RAD51B: variants seen among roughly 807,000 people sequenced by gnomAD.
RAD51B encodes DNA repair protein RAD51 homolog 2.
A neutral mutation model predicts 42.2 loss-of-function variants in RAD51B; 38 were observed. The ratio of observed to expected loss-of-function variants is 0.90; its 90% CI spans 0.70 to 1.18. The LOEUF is 1.18. RAD51B is among the 50% of genes most tolerant of loss of function. RAD51B has a pLI of 0.00. For missense variants in RAD51B, 373 were observed against 400.7 expected (o/e 0.93, Z 0.59); for synonymous variants, 154 against 145.2 (o/e 1.06, Z -0.43).
chr14:68,468,347 C>T, intron 10 of RAD51B, 97 bp downstream of exon 10: 1 of 1,312,524 alleles, frequency 7.6e-7, no homozygotes. Context: ...AAGCTAGCTC[C>T]AGACAGAATC....
downstream of RAD51B, among the ~76,000 whole-genome samples, chr14:68,479,688 T>G (rs8022215): frequency 0.048 from 6,572 of 136,896 alleles, 464 homozygotes; most frequent in African/African-American, 0.16. Flanking sequence ...TTTTTTTTTT[T>G]GCCAGAGTCT....
intron 7 of RAD51B, among the ~76,000 whole-genome samples, chr14:68,050,599 C>T (rs1196282500): frequency 3.9e-5 from 6 of 152,162 alleles, no homozygotes; most frequent in Admixed American, 1.3e-4. Context: ...TCTATTCACA[C>T]GCATGTGTGT....
intron 7 of RAD51B, among the ~76,000 whole-genome samples, chr14:68,216,828 G>A (rs2079825252): frequency 6.6e-6 from 1 of 152,174 alleles, no homozygotes; most frequent in African/African-American, 2.4e-5. Flanking sequence ...CATCAACAGG[G>A]GTCAAGAGGA....
chr14:67,847,518 C>T (rs772674654), intron 4 of RAD51B, among the ~76,000 whole-genome samples: 10 of 151,758 alleles, frequency 6.6e-5, no homozygotes, highest in South Asian at 6.2e-4. Context: ...TTTTGACTTC[C>T]GCCTTAATTT....
chr14:67,842,647 G>T (rs1239739368), intron 4 of RAD51B, among the ~76,000 whole-genome samples: 1 of 152,230 alleles, frequency 6.6e-6, no homozygotes, highest in Non-Finnish European at 1.5e-5. Flanking sequence ...TGGGATTACA[G>T]GCATGTGCCA....
intron 4 of RAD51B, among the ~76,000 whole-genome samples, chr14:67,844,138 T>G (rs971631771): frequency 6.6e-6 from 1 of 152,188 alleles, no homozygotes; most frequent in African/African-American, 2.4e-5. Context: ...GGTTGTTTAT[T>G]TCCATGTAAT....
At chr14:68,039,758 T>C (rs1054583187) in intron 7 of RAD51B, among the ~76,000 whole-genome samples, 1 of 152,260 alleles carries the variant, frequency 6.6e-6, no homozygotes, top group South Asian at 2.1e-4. Context: ...ACTCATAATA[T>C]GCTGTTTCCT....
intron 7 of RAD51B, among the ~76,000 whole-genome samples, chr14:67,892,887 G>A (rs914671499): frequency 1.3e-5 from 2 of 152,182 alleles, no homozygotes; most frequent in African/African-American, 4.8e-5. Context: ...ACATGCATGC[G>A]ACTCCACTGG....
At chr14:68,313,379 G>A (rs986560044) in intron 8 of RAD51B, among the ~76,000 whole-genome samples, 4 of 152,156 alleles carry the variant, frequency 2.6e-5, no homozygotes, top group Non-Finnish European at 4.4e-5. Flanking sequence ...CTTGATTAGC[G>A]GCTCCTTTTG....
At chr14:68,532,939 G>A (rs187452700) in intron 10 of RAD51B, among the ~76,000 whole-genome samples, 22 of 152,172 alleles carry the variant, frequency 1.4e-4, no homozygotes, top group Non-Finnish European at 2.1e-4. Flanking sequence ...TCCTTAACTT[G>A]ATAAAGAACA....
intron 7 of RAD51B, among the ~76,000 whole-genome samples, chr14:68,255,479 A>T (rs1441322919): frequency 6.6e-6 from 1 of 152,206 alleles, no homozygotes; most frequent in African/African-American, 2.4e-5. Context: ...CTTTTATAAG[A>T]CAATCATTCA....
At chr14:68,502,333 C>A (rs762544708) in intron 10 of RAD51B, among the ~76,000 whole-genome samples, 11 of 152,262 alleles carry the variant, frequency 7.2e-5, no homozygotes, top group East Asian at 1.9e-4. Flanking sequence ...TCAGCCCCTA[C>A]GAAAACTGAT....
At chr14:68,218,719 T>C (rs972731597) in intron 7 of RAD51B, among the ~76,000 whole-genome samples, 1 of 152,192 alleles carries the variant, frequency 6.6e-6, no homozygotes, top group Non-Finnish European at 1.5e-5. Context: ...TATACTTCTC[T>C]GTTGAAAAAA....
intron 7 of RAD51B, among the ~76,000 whole-genome samples, chr14:67,911,798 TTAC>T (rs2043989472): frequency 1.3e-5 from 2 of 152,294 alleles, no homozygotes; most frequent in South Asian, 4.1e-4. Context: ...TCCCTTAGAA[TTAC>T]TCCTTCCCAT....
rs1445296620 is a variant in RAD51B, at chr14:68,557,289, C to T, written c.1037-37196C>T. Among the ~76,000 whole-genome samples, 7 of 152,134 alleles carry T rather than the reference C, an allele frequency of 4.6e-5. No homozygotes were observed. The East Asian group carries it at 1.3e-3, about 29-fold the overall frequency. Reference sequence around the variant, plus strand: ...AACTTACCAAACCTCTGTAGCTTAGCCTCGCCTACCGTACACATGCTCAGA... The same window carrying T: ...AACTTACCAAACCTCTGTAGCTTAGTCTCGCCTACCGTACACATGCTCAGA... On this transcript the variant is annotated intron_variant, in intron 10 of 10. Coordinates refer to the RAD51B transcript ENST00000487270.
At chr14:68,008,025 A>G (rs1228408028) in intron 7 of RAD51B, among the ~76,000 whole-genome samples, 2 of 151,916 alleles carry the variant, frequency 1.3e-5, no homozygotes, top group African/African-American at 4.8e-5. Context: ...TGAAACTCTC[A>G]GGTAACATAG....
chr14:68,085,782 G>A (rs947958096), intron 7 of RAD51B, among the ~76,000 whole-genome samples: 6 of 152,154 alleles, frequency 3.9e-5, no homozygotes, highest in African/African-American at 9.7e-5. Context: ...AGGTGGTATT[G>A]AAATGGGAAA....
chr14:68,001,678 T>C (rs2075485603), intron 7 of RAD51B, among the ~76,000 whole-genome samples: 1 of 152,146 alleles, frequency 6.6e-6, no homozygotes, highest in Admixed American at 6.5e-5. Context: ...TAGCTATTCT[T>C]CCTGATGCTC....
At chr14:68,313,675 A>G (rs2082004355) in intron 8 of RAD51B, among the ~76,000 whole-genome samples, 1 of 152,178 alleles carries the variant, frequency 6.6e-6, no homozygotes, top group Non-Finnish European at 1.5e-5. Context: ...ACTCAGGACC[A>G]CATGTCATCC....
Sources: allele counts gnomAD v4.1 joint callset (sites outside exome capture counted in the v4.1 genomes callset), GRCh38; gene constraint gnomAD v4.1.1; transcripts MANE v1.5; gene names NCBI Gene and HGNC (gene_info 2026-07-23, HGNC 2026-07-21).